Variants in CNOT9 observed in about 807,000 individuals in gnomAD.
The protein encoded by CNOT9 is RCD1 required for cell differentiation1 homolog.
In CNOT9, 8 loss-of-function variants were observed where a neutral mutation model predicts 37.4. The ratio of observed to expected loss-of-function variants is 0.21; its 90% CI spans 0.13 to 0.39. The LOEUF is 0.39. CNOT9 is among the 10% of genes least tolerant of loss of function. The pLI is 1.00. For synonymous variants in CNOT9, 120 were observed against 137.6 expected, an observed-to-expected ratio of 0.87 and a Z score of 0.90; for missense variants, 154 against 365.3, an observed-to-expected ratio of 0.42 and a Z score of 4.71.
intron 5 of CNOT9, among the ~76,000 whole-genome samples, chr2:218,588,733 A>T (rs1574996114): frequency 7.1e-6 from 1 of 141,552 alleles, no homozygotes; most frequent in East Asian, 2.0e-4. Context: ...CTCCTGGCTA[A>T]TTTTTTTTTT....
At chr2:218,583,225 GTGTGTGTGTCTCTCTCTCTCTCTCTCTC>G (rs879642832) in intron 3 of CNOT9, 139 bp downstream of exon 3, 5,847 of 321,690 alleles carry the variant, frequency 0.018, 34 homozygotes, top group Non-Finnish European at 0.021. Context: ...GTGTGTGTGT[GTGTGTGTGTCTCTCTCTCTCTCTCTCTC>G]TCTCTCTCTC....
chr2:218,571,574 C>CTTT (rs34894382), intron 1 of CNOT9, among the ~76,000 whole-genome samples: 22 of 142,658 alleles, frequency 1.5e-4, no homozygotes, highest in East Asian at 6.1e-4. Context: ...TTTTGTGATT[C>CTTT]TTTTTTTTTT....
chr2:218,573,236 T>C (rs993766884), intron 1 of CNOT9, among the ~76,000 whole-genome samples: 1 of 151,728 alleles, frequency 6.6e-6, no homozygotes, highest in African/African-American at 2.4e-5. Context: ...GACAATCGCT[T>C]GAACCTGGGA....
chr2:218,580,958 T>A, intron 2 of CNOT9: 1 of 633,460 alleles, frequency 1.6e-6, no homozygotes, highest in South Asian at 1.5e-5. Context: ...GTGGGCCCTA[T>A]AATCTATATT....
chr2:218,582,418 C>T (rs1004548043), intron 2 of CNOT9, among the ~76,000 whole-genome samples: 1 of 152,198 alleles, frequency 6.6e-6, no homozygotes, highest in Admixed American at 6.5e-5. Context: ...AGGCCGGGCG[C>T]AGTGGCTCAC....
At chr2:218,590,414 TTAAGA>T (rs1391841499) in intron 5 of CNOT9, among the ~76,000 whole-genome samples, 2 of 152,222 alleles carry the variant, frequency 1.3e-5, no homozygotes, top group African/African-American at 4.8e-5. Context: ...CAAGGTACAC[TTAAGA>T]TTAGTGCACT....
chr2:218,574,297 A>G (rs929547109), intron 1 of CNOT9: 12 of 175,288 alleles, frequency 6.8e-5, no homozygotes, highest in African/African-American at 2.9e-4. Flanking sequence ...TTAATAATCT[A>G]CGGTAATGTA....
chr2:218,592,694 T>C lies in CNOT9; in HGVS notation c.718T>C (p.Ser240Pro). 1 of 1,613,780 alleles carries C rather than the reference T, an allele frequency of 6.2e-7. No homozygotes were observed. Among genetic ancestry groups the C allele is most frequent in the Non-Finnish European group, 8.5e-7 (1 of 1,179,654 alleles). ...TGTAGTGAGATGTTACCTTCGACTTTCAGATAACCCCAGGTAAACATTTAT... is the reference window on the plus strand; with the variant it reads ...TGTAGTGAGATGTTACCTTCGACTTCCAGATAACCCCAGGTAAACATTTAT... ...KHVVRCYLRL[S>P]DNPRAREALR... The change falls in exon 7 of 8, where the codon TCA becomes CCA. Residue 240 changes from serine (S) to proline (P), a missense_variant. Around this residue, in one of 2 missense-constraint regions of CNOT9, gnomAD observed 117 missense variants for 325.4 expected, o/e 0.36. Coordinates refer to ENST00000273064, the MANE Select transcript of CNOT9 (RefSeq NM_005444.3). The surrounding 1 kb of genome is among the most constrained non-coding windows in gnomAD (Gnocchi z 4.1).
chr2:218,586,498 T>C (rs191513541), intron 4 of CNOT9, among the ~76,000 whole-genome samples: 2 of 151,974 alleles, frequency 1.3e-5, no homozygotes, highest in East Asian at 3.9e-4. Context: ...CTTTTTTTTT[T>C]TTTTTTGTGA....
intron 5 of CNOT9, among the ~76,000 whole-genome samples, chr2:218,588,806 C>G (rs1286549403): frequency 6.6e-6 from 1 of 151,240 alleles, no homozygotes; most frequent in African/African-American, 2.4e-5. Context: ...AACTCCTGAC[C>G]TCAGATGATC....
In CNOT9 at chr2:218,568,862, C is replaced by T. The variant is rs1693818707; in HGVS notation, c.-93C>T. On this transcript the variant is annotated 5_prime_UTR_variant, in exon 1 of 8. In the 5' UTR this introduces an upstream ATG that the reference lacks. Transcript: ENST00000273064. ...GCGAGCCGGAGTCGGATGGCGGCTA[C>T]GGCGGCTCATTGTTTTCCGCTGCAG... 5 of 1,436,728 alleles carry T rather than the reference C, an allele frequency of 3.5e-6. No homozygotes were observed. The highest frequency in any genetic ancestry group is 1.2e-5 in the South Asian group (1 of 81,312). 89.0% of individuals were successfully genotyped at this position (1,436,728 alleles called of 1,614,324 possible).
Position 218,594,817 on chromosome 2 carries a change from C to CT in CNOT9, c.*544dup, listed in dbSNP as rs1694885904. The CT allele has an allele frequency of 6.5e-6, 1 of 152,876 alleles. No homozygotes were observed. Among genetic ancestry groups the CT allele is most frequent in the African/African-American group, 2.4e-5 (1 of 41,454 alleles). 9.5% of individuals were successfully genotyped at this position (152,876 alleles called of 1,614,324 possible). A position where few individuals can be genotyped will look rare whatever the true frequency, so the allele number is the denominator to read the frequency against. Reference sequence around the variant, plus strand: ...GCACAAGCTGTAATATTCAGCAAAACTTTGTCGACTGGCACTGTTTACAAG... The same window carrying CT: ...GCACAAGCTGTAATATTCAGCAAAACTTTTGTCGACTGGCACTGTTTACAAG... On this transcript the variant is annotated 3_prime_UTR_variant, in exon 8 of 8. Coordinates refer to ENST00000273064, the MANE Select transcript of CNOT9 (RefSeq NM_005444.3).
chr2:218,584,843 C>G, intron 4 of CNOT9, 122 bp downstream of exon 4: 1 of 723,108 alleles, frequency 1.4e-6, no homozygotes, highest in African/African-American at 1.7e-5. Flanking sequence ...TTGAGGTTGT[C>G]TCATTCACTA....
chr2:218,573,767 A>G lies in CNOT9; in HGVS notation c.24+4789A>G, dbSNP rs529584160. Reference sequence around the variant, plus strand: ...TGTCAGTACCCTGTGTGACACTTGGAGTTAACCATTGGTAACTTACTTTGG... The same window carrying G: ...TGTCAGTACCCTGTGTGACACTTGGGGTTAACCATTGGTAACTTACTTTGG... On this transcript the variant is annotated intron_variant, in intron 1 of 7. Coordinates refer to ENST00000273064, the MANE Select transcript of CNOT9 (RefSeq NM_005444.3). 72 of 199,530 alleles carry G rather than the reference A, an allele frequency of 3.6e-4. No individual in the cohort carries two copies. The South Asian group carries it at 4.4e-3, about 12-fold the overall frequency. 12.4% of individuals were successfully genotyped at this position (199,530 alleles called of 1,614,324 possible).
intron 1 of CNOT9, among the ~76,000 whole-genome samples, chr2:218,578,022 T>A (rs934511147): frequency 6.6e-6 from 1 of 152,228 alleles, no homozygotes; most frequent in African/African-American, 2.4e-5. Flanking sequence ...GGAATTACAT[T>A]TCCAAAAATA....
intron 1 of CNOT9, among the ~76,000 whole-genome samples, chr2:218,569,850 GT>G (rs1219661327): frequency 6.6e-6 from 1 of 152,116 alleles, no homozygotes; most frequent in African/African-American, 2.4e-5. Flanking sequence ...TCCTTAAACT[GT>G]TTATCCAAAT....
rs374732406 is a variant in CNOT9, at chr2:218,585,922, G to T, written c.430+1201G>T. Among the ~76,000 whole-genome samples, 12 of 152,224 alleles carry T rather than the reference G, an allele frequency of 7.9e-5. No individual in the cohort carries two copies. The East Asian group carries it at 2.1e-3, about 27-fold the overall frequency. ...CTCCCAAAGTGCTGGGATTACAGATGTGAGCCACTGCACCTAGCTGAAATT... is the reference window on the plus strand; with the variant it reads ...CTCCCAAAGTGCTGGGATTACAGATTTGAGCCACTGCACCTAGCTGAAATT... On this transcript the variant is annotated intron_variant, in intron 4 of 7. Coordinates refer to ENST00000273064, the MANE Select transcript of CNOT9 (RefSeq NM_005444.3).
Position 218,592,239 on chromosome 2 carries a change from G to T in CNOT9, c.541-65G>T. 1 of 1,201,222 alleles carries T rather than the reference G, an allele frequency of 8.3e-7. No homozygotes were observed. The highest frequency in any genetic ancestry group is 1.3e-5 in the South Asian group (1 of 78,212). The allele number at this position is 1,201,222 out of a possible 1,614,324, so 74.4% of individuals were successfully genotyped here. A position where few individuals can be genotyped will look rare whatever the true frequency, so the allele number is the denominator to read the frequency against. On this transcript the variant is annotated intron_variant, in intron 5 of 7. Coordinates refer to ENST00000273064, the MANE Select transcript of CNOT9 (RefSeq NM_005444.3). The surrounding 1 kb of genome is among the most constrained non-coding windows in gnomAD (Gnocchi z 4.1). ...GACTGATAGTCATGCCTGGGAAAAT[G>T]AGTAGAAAATGAGAAGATTAAATCT...
intron 1 of CNOT9, chr2:218,574,026 G>T (rs577993561): frequency 2.5e-5 from 11 of 435,222 alleles, no homozygotes; most frequent in Non-Finnish European, 4.6e-5. Flanking sequence ...CTGGAGTGCA[G>T]TGGTGTGATC....
Sources: allele counts gnomAD v4.1 joint callset (sites outside exome capture counted in the v4.1 genomes callset), GRCh38; gene constraint gnomAD v4.1.1; regional missense constraint gnomAD v4.1.1; non-coding constraint Gnocchi (gnomAD v3.1); transcripts MANE v1.5; gene names NCBI Gene and HGNC (gene_info 2026-07-23, HGNC 2026-07-21).